The following PKHD1 variants were observed in gnomAD, a reference collection of about 807,000 sequenced individuals.
The protein encoded by PKHD1 is fibrocystin.
Under a neutral mutation model 412.0 loss-of-function variants are expected in PKHD1, and 291 were observed. The observed-to-expected ratio is 0.71, with a 90% confidence interval of 0.64 to 0.78. The LOEUF (loss-of-function observed/expected upper bound fraction) is 0.78, where lower values mean the gene tolerates loss of function less well. Among genes scored for constraint, PKHD1 ranks in the 30% least tolerant of loss-of-function variants. The pLI is 0.00. For synonymous variants in PKHD1, 1,777 were observed against 1,821.5 expected, an observed-to-expected ratio of 0.98 and a Z score of 0.62; for missense variants, 4,825 against 4,950.7, an observed-to-expected ratio of 0.97 and a Z score of 0.76.
At chr6:52,066,426 A>T (rs948659161) in intron 11 of PKHD1, among the ~76,000 whole-genome samples, 6 of 152,168 alleles carry the variant, frequency 3.9e-5, no homozygotes, top group African/African-American at 1.4e-4. Flanking sequence ...CACAAGGAGG[A>T]ATCAACTTTG....
chr6:52,057,459 C>T (rs1193424092), intron 16 of PKHD1, among the ~76,000 whole-genome samples: 2 of 151,944 alleles, frequency 1.3e-5, no homozygotes, highest in East Asian at 1.9e-4. Context: ...ACTCTGTCAC[C>T]AGGCTGGAAT....
chr6:51,927,330 T>A (rs1461208684), intron 37 of PKHD1, among the ~76,000 whole-genome samples: 1 of 152,106 alleles, frequency 6.6e-6, no homozygotes, highest in Non-Finnish European at 1.5e-5. Flanking sequence ...GATCAGGAGA[T>A]GATAAGCACC....
chr6:51,907,031 T>C (rs761793083), intron 40 of PKHD1, among the ~76,000 whole-genome samples: 1 of 152,166 alleles, frequency 6.6e-6, no homozygotes, highest in Non-Finnish European at 1.5e-5. Context: ...ATCAACTATA[T>C]GTTTCAGGAA....
chr6:51,661,105 C>T (rs1161363745), intron 60 of PKHD1, among the ~76,000 whole-genome samples: 1 of 152,142 alleles, frequency 6.6e-6, no homozygotes, highest in Non-Finnish European at 1.5e-5. Context: ...TCCAATGTTT[C>T]TGTCACTTAG....
In PKHD1 at chr6:52,054,235, G is replaced by T. The variant is rs138002685; in HGVS notation, c.1837-70C>A. On this transcript the variant is annotated intron_variant, in intron 19 of 66. Coordinates refer to ENST00000371117, the MANE Select transcript of PKHD1 (RefSeq NM_138694.4). ...CAGTCATTCAAACAATACGTAGTGA[G>T]GAGTCCACATCCCTAGAACCCTGCC... 1,121 of 1,484,538 alleles carry T rather than the reference G, an allele frequency of 7.6e-4. 11 individuals are homozygous for T. The African/African-American group carries it at 0.014, about 18-fold the overall frequency. 92.0% of individuals were successfully genotyped at this position (1,484,538 alleles called of 1,614,324 possible).
intron 60 of PKHD1, among the ~76,000 whole-genome samples, chr6:51,706,052 T>C (rs1274206637): frequency 1.3e-5 from 2 of 152,162 alleles, no homozygotes; most frequent in Admixed American, 6.6e-5. Flanking sequence ...GTAAAACTTA[T>C]GGAGATCATT....
chr6:51,628,590 C>A (rs2784207), intron 65 of PKHD1, among the ~76,000 whole-genome samples: 6,508 of 152,184 alleles, frequency 0.043, 233 homozygotes, highest in African/African-American at 0.093. Flanking sequence ...TGGGTATATA[C>A]CCAGTAATGG....
intron 60 of PKHD1, among the ~76,000 whole-genome samples, chr6:51,736,595 T>C (rs1326664259): frequency 1.3e-5 from 2 of 152,222 alleles, no homozygotes; most frequent in African/African-American, 4.8e-5. Context: ...AAATATCTGC[T>C]GAAATTAAAG....
intron 54 of PKHD1, among the ~76,000 whole-genome samples, chr6:51,774,755 A>G (rs1346377762): frequency 6.6e-6 from 1 of 151,842 alleles, no homozygotes; most frequent in Non-Finnish European, 1.5e-5. Flanking sequence ...TTTATATCTC[A>G]TAGTGTTCAG....
intron 37 of PKHD1, among the ~76,000 whole-genome samples, chr6:51,920,969 T>G (rs1328949086): frequency 6.6e-6 from 1 of 152,188 alleles, no homozygotes; most frequent in Non-Finnish European, 1.5e-5. Flanking sequence ...GGTGGTGGTA[T>G]CCCCTTTATC....
In PKHD1 at chr6:51,924,384, G is replaced by A. The variant is rs140314005; in HGVS notation, c.6121+9726C>T. On this transcript the variant is annotated intron_variant, in intron 37 of 66. Coordinates refer to ENST00000371117, the MANE Select transcript of PKHD1 (RefSeq NM_138694.4). Reference sequence around the variant, plus strand: ...GCCAAGGGGGAGAGTTGAAAAACAGGACAGAAGGTGTTAGCAGGAAGCTAA... The same window carrying A: ...GCCAAGGGGGAGAGTTGAAAAACAGAACAGAAGGTGTTAGCAGGAAGCTAA... 1.6e-4 allele frequency among the ~76,000 whole-genome samples: 25 copies of A among 152,300 alleles called. No individual in the cohort carries two copies. The East Asian group carries it at 4.6e-3, about 28-fold the overall frequency.
intron 60 of PKHD1, among the ~76,000 whole-genome samples, chr6:51,739,484 G>A (rs1302769859): frequency 6.6e-6 from 1 of 152,092 alleles, no homozygotes; most frequent in Non-Finnish European, 1.5e-5. Context: ...GCCTGCCTCA[G>A]CCTCCCAAAG....
intron 57 of PKHD1, among the ~76,000 whole-genome samples, chr6:51,750,289 G>T (rs1022411884): frequency 6.6e-6 from 1 of 152,054 alleles, no homozygotes; most frequent in Non-Finnish European, 1.5e-5. Flanking sequence ...CTATTTCTTG[G>T]GCAATATCCC....
At chr6:51,721,909 T>G in intron 60 of PKHD1, 1 of 1,609,668 alleles carries the variant, frequency 6.2e-7, no homozygotes, top group East Asian at 2.2e-5. Flanking sequence ...ATTTGGTCCA[T>G]GCTCCAACCC....
At chr6:51,851,695 T>G (rs146580528) in intron 49 of PKHD1, among the ~76,000 whole-genome samples, 4 of 152,354 alleles carry the variant, frequency 2.6e-5, no homozygotes, top group Admixed American at 2.0e-4. Flanking sequence ...TTTATTTGCA[T>G]AGACATGTTT....
chr6:52,048,663 G>T, intron 22 of PKHD1, 44 bp from the exon 23 acceptor site: 1 of 1,612,058 alleles, frequency 6.2e-7, no homozygotes, highest in Non-Finnish European at 8.5e-7. Context: ...GGGTTGGGGT[G>T]TGCACCTAGG....
chr6:51,744,394 A>T lies in PKHD1; in HGVS notation c.10147T>A (p.Phe3383Ile), dbSNP rs1269294822. 6.2e-7 allele frequency: 1 copy of T among 1,613,792 alleles called. No homozygotes were observed. The highest frequency in any genetic ancestry group is 8.5e-7 in the Non-Finnish European group (1 of 1,179,802). The change falls in exon 60 of 67, where the codon TTC (phenylalanine) becomes ATC (isoleucine). Residue 3383 changes from phenylalanine to isoleucine, a missense_variant. Physicochemically the swap from Phe to Ile is conservative, Grantham distance 21. Transcript: ENST00000371117. ...TTCAGATATAGCTTACCTGCGTTGA[A>T]GAAGGATGCAGTCCATTCTGCCTCT... is the stretch of plus-strand genomic sequence containing the variant. ...KTEAEWTASFFNAGTFREEQK... is the reference protein window; with the variant it reads ...KTEAEWTASFINAGTFREEQK...
chr6:51,724,450 C>T (rs934022132), intron 60 of PKHD1, among the ~76,000 whole-genome samples: 1 of 152,182 alleles, frequency 6.6e-6, no homozygotes, highest in African/African-American at 2.4e-5. Flanking sequence ...GGCTCCCACT[C>T]TTACACACAT....
At chr6:52,033,001 A>G (rs549892512) in intron 29 of PKHD1, 29 bp downstream of exon 29, 9 of 1,592,958 alleles carry the variant, frequency 5.6e-6, no homozygotes, top group African/African-American at 2.7e-5. Flanking sequence ...TCTAAGAAGA[A>G]AAAGATCTTG....
Sources: gnomAD v4.1 joint callset for allele counts (sites outside exome capture counted in the v4.1 genomes callset) on GRCh38, gnomAD v4.1.1 for gene constraint, MANE v1.5 for transcripts, NCBI Gene and HGNC (gene_info 2026-07-23, HGNC 2026-07-21) for gene names.